Variants in MGME1 observed in about 807,000 individuals in gnomAD.
The protein encoded by MGME1 is chromosome 20 open reading frame 72.
Under a neutral mutation model 33.0 loss-of-function variants are expected in MGME1, and 22 were observed. The ratio of observed to expected loss-of-function variants is 0.67; its 90% CI spans 0.48 to 0.95. The LOEUF is 0.95. Ranked by LOEUF, MGME1 falls within the 40% of genes least tolerant of loss-of-function variation. MGME1 has a pLI of 0.00. For missense variants in MGME1, 383 were observed against 397.8 expected, an observed-to-expected ratio of 0.96 and a Z score of 0.32; for synonymous variants, 133 against 144.0, an observed-to-expected ratio of 0.92 and a Z score of 0.55.
In MGME1 at chr20:17,976,034, G is replaced by C. The variant is rs2035858321; in HGVS notation, c.731+131G>C. 22 of 722,978 alleles carry C rather than the reference G, an allele frequency of 3.0e-5. No homozygotes were observed. The South Asian group carries it at 3.5e-4, about 12-fold the overall frequency. 44.8% of individuals were successfully genotyped at this position (722,978 alleles called of 1,614,324 possible). Reference sequence around the variant, plus strand: ...TTGTGCTAGGTAAAAGAATTGGGTGGGGCGGGGTTGAGAACAGGTACAAGG... The same window carrying C: ...TTGTGCTAGGTAAAAGAATTGGGTGCGGCGGGGTTGAGAACAGGTACAAGG... On this transcript the variant is annotated intron_variant, in intron 3 of 4. Coordinates refer to ENST00000377710, the MANE Select transcript of MGME1 (RefSeq NM_052865.4).
In MGME1 at chr20:17,990,414, G is replaced by A; in HGVS notation, c.*305G>A. On this transcript the variant is annotated 3_prime_UTR_variant, in exon 5 of 5. Coordinates refer to ENST00000377710, the MANE Select transcript of MGME1 (RefSeq NM_052865.4). ...TTGTACTCCCTTGAGGGACATTGGGGGGGGGGGGGCGTGGTCCCAGGCAGG... is the reference window on the plus strand; with the variant it reads ...TTGTACTCCCTTGAGGGACATTGGGAGGGGGGGGGCGTGGTCCCAGGCAGG... 2.8e-6 allele frequency: 1 copy of A among 352,532 alleles called. No individual in the cohort carries two copies. Among genetic ancestry groups the A allele is most frequent in the Non-Finnish European group, 5.2e-6 (1 of 192,592 alleles). The allele number at this position is 352,532 out of a possible 1,614,324, so 21.8% of individuals were successfully genotyped here. A position where few individuals can be genotyped will look rare whatever the true frequency, so the allele number is the denominator to read the frequency against.
chr20:17,970,770 C>T (rs1008944724), intron 2 of MGME1, among the ~76,000 whole-genome samples: 1 of 152,228 alleles, frequency 6.6e-6, no homozygotes, highest in African/African-American at 2.4e-5. Context: ...CACTGTCCTA[C>T]TTATTAGCGT....
intron 2 of MGME1, among the ~76,000 whole-genome samples, chr20:17,974,038 G>T (rs1439944493): frequency 7.2e-6 from 1 of 139,394 alleles, no homozygotes; most frequent in Non-Finnish European, 1.6e-5. Flanking sequence ...TATATTTCTT[G>T]TGTTTGTTGA....
chr20:17,973,370 G>A (rs1432074050), intron 2 of MGME1, among the ~76,000 whole-genome samples: 2 of 152,052 alleles, frequency 1.3e-5, no homozygotes, highest in South Asian at 2.1e-4. Flanking sequence ...GTTGAAGGCC[G>A]AGTGCAGTGG....
chr20:17,976,051 G>T, intron 3 of MGME1, 148 bp downstream of exon 3: 1 of 634,094 alleles, frequency 1.6e-6, no homozygotes, highest in Non-Finnish European at 2.8e-6. Context: ...GTTGAGAACA[G>T]GTACAAGGAG....
rs374001201 is a variant in MGME1, at chr20:17,983,268, TG to T, written c.732-4897del. Among the ~76,000 whole-genome samples the T allele has an allele frequency of 8.8e-3, 153 of 17,366 alleles. 1 individual carries two copies. In the South Asian group the frequency reaches 0.18, roughly 21 times the overall value. 11.4% of individuals were successfully genotyped at this position (17,366 alleles called of 152,430 possible). A position where few individuals can be genotyped will look rare whatever the true frequency, so the allele number is the denominator to read the frequency against. On this transcript the variant is annotated intron_variant, in intron 3 of 4. Coordinates refer to ENST00000377710, the MANE Select transcript of MGME1 (RefSeq NM_052865.4). ...TTTTAAAGGCTATGTAGTGTTCTATTGTGTGTGTGTGTGTGTGTGTGTGTGT... is the reference window on the plus strand; with the variant it reads ...TTTTAAAGGCTATGTAGTGTTCTATTTGTGTGTGTGTGTGTGTGTGTGTGT...
intron 3 of MGME1, among the ~76,000 whole-genome samples, chr20:17,985,079 T>C (rs1383307465): frequency 1.3e-5 from 2 of 148,498 alleles, no homozygotes; most frequent in East Asian, 4.1e-4. Flanking sequence ...TATTTCTGTA[T>C]AGTTGTACGA....
chr20:17,973,469 G>C (rs998841445), intron 2 of MGME1, among the ~76,000 whole-genome samples: 1 of 152,054 alleles, frequency 6.6e-6, no homozygotes, highest in Non-Finnish European at 1.5e-5. Context: ...GCAACGTAGA[G>C]AGATTGCATC....
At chr20:17,985,752 C>T (rs1204071929) in intron 3 of MGME1, among the ~76,000 whole-genome samples, 1 of 152,156 alleles carries the variant, frequency 6.6e-6, no homozygotes, top group Non-Finnish European at 1.5e-5. Context: ...GTTATAGTTG[C>T]CAGCAGTATT....
chr20:17,974,675 T>C (rs1391658962), intron 2 of MGME1, among the ~76,000 whole-genome samples: 1 of 152,172 alleles, frequency 6.6e-6, no homozygotes, highest in Non-Finnish European at 1.5e-5. Flanking sequence ...ATCAGAATTC[T>C]AATAATCTAA....
At chr20:17,977,577 G>A (rs2035900686) in intron 3 of MGME1, among the ~76,000 whole-genome samples, 2 of 152,100 alleles carry the variant, frequency 1.3e-5, no homozygotes, top group African/African-American at 4.8e-5. Context: ...AAGAGATCTT[G>A]GGGAGATGTG....
intron 3 of MGME1, among the ~76,000 whole-genome samples, chr20:17,981,581 G>C (rs968782185): frequency 6.6e-6 from 1 of 152,034 alleles, no homozygotes; most frequent in South Asian, 2.1e-4. Context: ...AAGGAAGTAT[G>C]ATCCTCACCT....
rs762993070 is a variant in MGME1, at chr20:17,985,054, A to G, written c.732-3112A>G. Among the ~76,000 whole-genome samples the G allele has an allele frequency of 1.7e-3, 252 of 150,608 alleles. 1 individual carries two copies. The highest frequency in any genetic ancestry group is 3.1e-3 in the Non-Finnish European group (209 of 67,806). ...TTTGTCTCAAAAAAAAAAAAAAAAAAAAAGAAAAGGAAAATATTTCTGTAT... is the reference window on the plus strand; with the variant it reads ...TTTGTCTCAAAAAAAAAAAAAAAAAGAAAGAAAAGGAAAATATTTCTGTAT... On this transcript the variant is annotated intron_variant, in intron 3 of 4. Coordinates refer to ENST00000377710, the MANE Select transcript of MGME1 (RefSeq NM_052865.4).
At chr20:17,973,981 C>T (rs1024068947) in intron 2 of MGME1, among the ~76,000 whole-genome samples, 1 of 151,396 alleles carries the variant, frequency 6.6e-6, no homozygotes, top group Non-Finnish European at 1.5e-5. Flanking sequence ...CATTGCTTAG[C>T]ATAACAGTCC....
chr20:17,988,085 A>C (rs536081886), intron 3 of MGME1, 81 bp from the exon 4 acceptor site: 1 of 1,377,042 alleles, frequency 7.3e-7, no homozygotes, highest in East Asian at 2.4e-5. Context: ...GTAACAAACT[A>C]TACATAAGAG....
chr20:17,974,065 T>G (rs1455028738), intron 2 of MGME1, among the ~76,000 whole-genome samples: 22 of 139,928 alleles, frequency 1.6e-4, no homozygotes, highest in Middle Eastern at 7.1e-3. Context: ...TTGTGTGTTT[T>G]TTTTTTTTTT....
chr20:17,971,946 A>G lies in MGME1; in HGVS notation c.511+1576A>G, dbSNP rs558401531. Among the ~76,000 whole-genome samples the G allele has an allele frequency of 3.9e-5, 6 of 152,234 alleles. No individual in the cohort carries two copies. The South Asian group carries it at 1.2e-3, about 32-fold the overall frequency. The stretch of plus-strand genomic sequence containing the variant: ...CGACAAGGGTCTCCCTATGTTGCCC[A>G]GGCTAGTCTCCAACTCCTGTCTTCA... On this transcript the variant is annotated intron_variant, in intron 2 of 4. Transcript: ENST00000377710.
At chr20:17,977,390 AAAG>A (rs2122542207) in intron 3 of MGME1, among the ~76,000 whole-genome samples, 1 of 152,068 alleles carries the variant, frequency 6.6e-6, no homozygotes, top group East Asian at 1.9e-4. Flanking sequence ...AAAAAAAATA[AAAG>A]AAAGAAAAGA....
At chr20:17,974,805 CAGG>C (rs1239493576) in intron 2 of MGME1, among the ~76,000 whole-genome samples, 1 of 151,966 alleles carries the variant, frequency 6.6e-6, no homozygotes, top group Admixed American at 6.6e-5. Flanking sequence ...AAAAAAAATA[CAGG>C]AGAAGAATGT....
Sources: gnomAD v4.1 joint callset for allele counts (sites outside exome capture counted in the v4.1 genomes callset) on GRCh38, gnomAD v4.1.1 for gene constraint, MANE v1.5 for transcripts, NCBI Gene and HGNC (gene_info 2026-07-23, HGNC 2026-07-21) for gene names.